The following GAS2 variants were observed in gnomAD, a reference collection of about 807,000 sequenced individuals.
GAS2 encodes the protein growth arrest-specific protein 2.
In GAS2, 20 loss-of-function variants were observed where a neutral mutation model predicts 37.5. That is an observed-to-expected ratio of 0.53 (90% CI 0.37 to 0.77). The LOEUF is 0.77. GAS2 is among the 30% of genes least tolerant of loss of function. GAS2 has a pLI of 0.00. For synonymous variants in GAS2, 144 were observed against 132.2 expected (o/e 1.09, Z -0.61); for missense variants, 336 against 373.4 (o/e 0.90, Z 0.82).
chr11:22,784,748 A>T (rs1033031786), intron 7 of GAS2, among the ~76,000 whole-genome samples: 6 of 152,184 alleles, frequency 3.9e-5, no homozygotes, highest in African/African-American at 1.4e-4. Flanking sequence ...TCTCATAAGT[A>T]GCCTAAATCC....
At chr11:22,711,554 G>T (rs1371391334) in intron 3 of GAS2, among the ~76,000 whole-genome samples, 1 of 152,228 alleles carries the variant, frequency 6.6e-6, no homozygotes, top group Non-Finnish European at 1.5e-5. Context: ...GGGTAGGCAG[G>T]CCCAGGCCTG....
chr11:22,711,710 G>A lies in GAS2; in HGVS notation c.268-14582G>A, dbSNP rs576913325. On this transcript the variant is annotated intron_variant, in intron 3 of 7. Transcript: ENST00000454584. ...GGCCTTGCTGGCTATGTGGCATCTG[G>A]GTGAGCCCTGTCACTGCCAGCTTTC... Among the ~76,000 whole-genome samples the A allele has an allele frequency of 3.3e-5, 5 of 152,206 alleles. No individual in the cohort carries two copies. In the South Asian group the frequency reaches 8.3e-4, roughly 25 times the overall value.
At chr11:22,810,591 T>C (rs1157325150) in intron 7 of GAS2, among the ~76,000 whole-genome samples, 1 of 152,234 alleles carries the variant, frequency 6.6e-6, no homozygotes, top group Non-Finnish European at 1.5e-5. Context: ...CTTTAATTAC[T>C]ATTTTTCATT....
At chr11:22,690,211 A>G (rs1026347192) in intron 3 of GAS2, among the ~76,000 whole-genome samples, 2 of 152,190 alleles carry the variant, frequency 1.3e-5, no homozygotes, top group African/African-American at 4.8e-5. Flanking sequence ...AAATGCTCTT[A>G]AATCTTTAAT....
chr11:22,757,180 T>G (rs1161442412), intron 7 of GAS2, among the ~76,000 whole-genome samples: 2 of 152,126 alleles, frequency 1.3e-5, no homozygotes, highest in African/African-American at 2.4e-5. Flanking sequence ...CAATGTAACC[T>G]AATATCTTCA....
chr11:22,693,147 T>G (rs1850335614), intron 3 of GAS2, among the ~76,000 whole-genome samples: 1 of 152,186 alleles, frequency 6.6e-6, no homozygotes, highest in African/African-American at 2.4e-5. Flanking sequence ...ACCTGTGATG[T>G]TGAAATATCC....
chr11:22,768,007 G>A (rs779408339), intron 7 of GAS2, among the ~76,000 whole-genome samples: 9 of 152,196 alleles, frequency 5.9e-5, no homozygotes, highest in East Asian at 3.9e-4. Flanking sequence ...TCATCTAAAC[G>A]GCCAGTCCTT....
intron 3 of GAS2, among the ~76,000 whole-genome samples, chr11:22,721,731 A>G (rs1158112501): frequency 6.6e-6 from 1 of 152,078 alleles, no homozygotes; most frequent in Non-Finnish European, 1.5e-5. Context: ...GGACATTTTT[A>G]TCAATGTAGA....
At chr11:22,752,332 A>T (rs557150423) in intron 6 of GAS2, among the ~76,000 whole-genome samples, 6 of 152,044 alleles carry the variant, frequency 3.9e-5, no homozygotes, top group African/African-American at 1.4e-4. Context: ...AACTATTTGC[A>T]TTCTGTTTGA....
At chr11:22,768,859 TG>T (rs1271785532) in intron 7 of GAS2, among the ~76,000 whole-genome samples, 1 of 152,212 alleles carries the variant, frequency 6.6e-6, no homozygotes, top group African/African-American at 2.4e-5. Flanking sequence ...ATTTCAAATT[TG>T]TCTTCTAGCT....
chr11:22,776,534 T>C (rs1855268611), intron 7 of GAS2, among the ~76,000 whole-genome samples: 1 of 152,178 alleles, frequency 6.6e-6, no homozygotes. Context: ...TGTGATTGAG[T>C]TAAATCAGTG....
At chr11:22,763,926 G>A (rs777075741) in intron 7 of GAS2, among the ~76,000 whole-genome samples, 37 of 152,010 alleles carry the variant, frequency 2.4e-4, no homozygotes, top group African/African-American at 8.9e-4. Flanking sequence ...GTGTTCAAAT[G>A]CTTTTAGCTT....
intron 7 of GAS2, among the ~76,000 whole-genome samples, chr11:22,792,229 G>A (rs1334831522): frequency 1.3e-5 from 2 of 152,110 alleles, no homozygotes; most frequent in East Asian, 3.9e-4. Flanking sequence ...TGCCAGCTGG[G>A]CCCTAATTAG....
At position 22,811,804 on chromosome 11, in the gene GAS2, C is replaced by A. The variant is rs1857184700; in HGVS notation, c.730C>A (p.His244Asn). The change falls in exon 8 of 8, where the codon CAC becomes AAC. Residue 244 changes from histidine (H) to asparagine (N), a missense_variant. Transcript: ENST00000454584. The part of the protein sequence containing the change: ...GEKILFIRML[H>N]NKHVMVRVGG... Reference sequence around the variant, plus strand: ...TGATATTTTTTCATTTCAGATGCTGCACAACAAACATGTCATGGTCCGTGT... The same window carrying A: ...TGATATTTTTTCATTTCAGATGCTGAACAACAAACATGTCATGGTCCGTGT... 6.2e-7 allele frequency: 1 copy of A among 1,613,816 alleles called. No individual in the cohort carries two copies. The highest frequency in any genetic ancestry group is 1.3e-5 in the African/African-American group (1 of 74,898).
At chr11:22,722,822 A>T (rs1414794850) in intron 3 of GAS2, among the ~76,000 whole-genome samples, 1 of 151,876 alleles carries the variant, frequency 6.6e-6, no homozygotes, top group Non-Finnish European at 1.5e-5. Flanking sequence ...GTTTTTGAGG[A>T]CATAATATTG....
At chr11:22,737,915 C>T in intron 5 of GAS2, 147 bp downstream of exon 5, 1 of 713,500 alleles carries the variant, frequency 1.4e-6, no homozygotes. Flanking sequence ...TTCTTGAGGG[C>T]AGCAGTTAAC....
At chr11:22,650,449 C>T (rs1446744202) in intron 1 of GAS2, among the ~76,000 whole-genome samples, 2 of 151,954 alleles carry the variant, frequency 1.3e-5, no homozygotes, top group Non-Finnish European at 2.9e-5. Context: ...TGGTGCAGAG[C>T]TGAGTTCAAT....
chr11:22,745,363 A>C (rs1853334062), intron 5 of GAS2, among the ~76,000 whole-genome samples: 1 of 152,132 alleles, frequency 6.6e-6, no homozygotes, highest in African/African-American at 2.4e-5. Flanking sequence ...CAATGGAGAA[A>C]GGACTCTCTT....
At position 22,700,185 on chromosome 11, in the gene GAS2, A is replaced by G. The variant is rs770836015; in HGVS notation, c.267+14396A>G. On this transcript the variant is annotated intron_variant, in intron 3 of 7. Coordinates refer to ENST00000454584, the MANE Select transcript of GAS2 (RefSeq NM_001143830.3). ...TGAGTACATAGTTTATGTTCTATTC[A>G]TCTGTGAGTCTAACATAATACCTAG... Among the ~76,000 whole-genome samples, 7 of 152,176 alleles carry G rather than the reference A, an allele frequency of 4.6e-5. No homozygotes were observed. The South Asian group carries it at 1.2e-3, about 27-fold the overall frequency.
Sources: allele counts gnomAD v4.1 joint callset (sites outside exome capture counted in the v4.1 genomes callset), GRCh38; gene constraint gnomAD v4.1.1; transcripts MANE v1.5; gene names NCBI Gene and HGNC (gene_info 2026-07-23, HGNC 2026-07-21).